The following SORBS2 variants were observed in gnomAD, a reference collection of about 807,000 sequenced individuals.
The protein encoded by SORBS2 is sorbin and SH3 domain-containing protein 2.
SORBS2 carries 46 observed loss-of-function variants against 97.7 expected under a neutral mutation model. The observed-to-expected ratio is 0.47, with a 90% CI of 0.37 to 0.60. The LOEUF is 0.60. Among genes scored for constraint, SORBS2 ranks in the 20% least tolerant of loss-of-function variants. The pLI, the probability that SORBS2 is intolerant of heterozygous loss-of-function variation, is 0.00. For synonymous variants in SORBS2, 476 were observed against 473.4 expected, an observed-to-expected ratio of 1.01 and a Z score of -0.07; for missense variants, 1,316 against 1,282.3, an observed-to-expected ratio of 1.03 and a Z score of -0.40.
chr4:185,776,899 CAA>C (rs34135817), intron 1 of SORBS2, among the ~76,000 whole-genome samples: 26,016 of 110,704 alleles, frequency 0.24, 2,426 homozygotes, highest in African/African-American at 0.27. Context: ...GACTCCATCT[CAA>C]AAAAAAAAAA....
rs149641547 is a variant in SORBS2, at chr4:185,842,458, C to T, written c.-337-67092G>A. Among the ~76,000 whole-genome samples, 739 of 152,244 alleles carry T rather than the reference C, an allele frequency of 4.9e-3. 4 individuals are homozygous for T. The highest frequency in any genetic ancestry group is 8.0e-3 in the Non-Finnish European group (541 of 68,014). On this transcript the variant is annotated intron_variant, in intron 1 of 20. Coordinates refer to the SORBS2 transcript ENST00000284776. ...CATGGTAAGGAGTTACCTACCTGAT[C>T]TCATGACCTTACTGTAAACCTACAG...
intron 1 of SORBS2, among the ~76,000 whole-genome samples, chr4:185,837,676 T>A (rs369247319): frequency 5.9e-5 from 9 of 152,290 alleles, no homozygotes; most frequent in African/African-American, 1.9e-4. Flanking sequence ...TTCATACAAA[T>A]GTAACTGTGA....
At chr4:185,734,617 C>A (rs1337873902) in intron 2 of SORBS2, among the ~76,000 whole-genome samples, 1 of 152,108 alleles carries the variant, frequency 6.6e-6, no homozygotes, top group Non-Finnish European at 1.5e-5. Context: ...TGTTAATATC[C>A]CTCGCATCTG....
At chr4:185,749,229 G>A (rs1438663430) in intron 2 of SORBS2, among the ~76,000 whole-genome samples, 1 of 152,166 alleles carries the variant, frequency 6.6e-6, no homozygotes, top group East Asian at 1.9e-4. Context: ...CAGCATGAAA[G>A]CAACTGGGGA....
intron 1 of SORBS2, among the ~76,000 whole-genome samples, chr4:185,788,795 T>G (rs149886449): frequency 6.6e-6 from 1 of 152,336 alleles, no homozygotes; most frequent in African/African-American, 2.4e-5. Context: ...TGGCCAAACG[T>G]GGGTTCTAAA....
chr4:185,589,978 T>C, intron 13 of SORBS2, 193 bp from the exon 26 acceptor site: 1 of 467,240 alleles, frequency 2.1e-6, no homozygotes, highest in Non-Finnish European at 3.8e-6. Flanking sequence ...CATAGCAATA[T>C]GTAGATCTTC....
chr4:185,773,060 A>AC (rs1017426583), intron 2 of SORBS2: 19 of 151,460 alleles, frequency 1.3e-4, no homozygotes, highest in African/African-American at 1.7e-4. Context: ...GAAAGAAAAA[A>AC]AAAACAAAAC....
chr4:185,614,861 T>C (rs950756437), exon 11 of SORBS2: 1 of 1,614,222 alleles, frequency 6.2e-7, no homozygotes, highest in Admixed American at 1.7e-5. Context: ...CATTTGTGTC[T>C]GCGTTGAAGT....
At chr4:185,895,851 CTTCA>C (rs538213599) in intron 1 of SORBS2, among the ~76,000 whole-genome samples, 11 of 152,152 alleles carry the variant, frequency 7.2e-5, no homozygotes, top group African/African-American at 2.7e-4. Flanking sequence ...TGGCCAATCC[CTTCA>C]TTGTTTTCTT....
At chr4:185,932,755 C>T (rs2099267107) in intron 1 of SORBS2, among the ~76,000 whole-genome samples, 1 of 152,190 alleles carries the variant, frequency 6.6e-6, no homozygotes, top group African/African-American at 2.4e-5. Context: ...GTTGCCCTGG[C>T]CACACCATGA....
At chr4:185,784,025 C>A (rs1304514181) in intron 1 of SORBS2, among the ~76,000 whole-genome samples, 1 of 152,188 alleles carries the variant, frequency 6.6e-6, no homozygotes, top group African/African-American at 2.4e-5. Flanking sequence ...AACTGACCTG[C>A]CTGGATTCCT....
intron 2 of SORBS2, among the ~76,000 whole-genome samples, chr4:185,761,128 C>T (rs2098886076): frequency 6.6e-6 from 1 of 152,192 alleles, no homozygotes; most frequent in East Asian, 1.9e-4. Context: ...TCACTTTTAA[C>T]TCCTTCCATG....
At chr4:185,874,881 C>T (rs2099232593) in intron 1 of SORBS2, among the ~76,000 whole-genome samples, 2 of 101,238 alleles carry the variant, frequency 2.0e-5, no homozygotes, top group South Asian at 3.5e-4. Context: ...TTGCATGCTA[C>T]AGTATATTGT....
intron 1 of SORBS2, among the ~76,000 whole-genome samples, chr4:185,899,305 T>C (rs895989860): frequency 6.6e-6 from 1 of 152,210 alleles, no homozygotes; most frequent in African/African-American, 2.4e-5. Flanking sequence ...TCTCGAAGAA[T>C]TGGTGACTGT....
At chr4:185,626,269 C>T (rs1431009224) in intron 6 of SORBS2, among the ~76,000 whole-genome samples, 2 of 152,212 alleles carry the variant, frequency 1.3e-5, no homozygotes, top group African/African-American at 4.8e-5. Context: ...TGTGAATTGA[C>T]CACTGTGTTA....
At chr4:185,938,391 C>CAT (rs200356287) in intron 1 of SORBS2, among the ~76,000 whole-genome samples, 842 of 70,732 alleles carry the variant, frequency 0.012, 4 homozygotes, top group African/African-American at 0.04. Flanking sequence ...TAGACACATA[C>CAT]ACACACACAC....
chr4:185,676,897 C>T lies in SORBS2; in HGVS notation c.-46+1526G>A, dbSNP rs186800345. The stretch of plus-strand genomic sequence containing the variant: ...TCTCCTTTCCCTTCCTGCTTGGAAA[C>T]TAAGAAAGCATTAGGTCATATAAGA... On this transcript the variant is annotated intron_variant, in intron 4 of 20. Transcript: ENST00000284776. The T allele has an allele frequency of 3.2e-6, 3 of 928,316 alleles. No homozygotes were observed. In the East Asian group the frequency reaches 7.9e-5, roughly 25 times the overall value. The allele number at this position is 928,316 out of a possible 1,614,324, so 57.5% of individuals were successfully genotyped here.
intron 1 of SORBS2, among the ~76,000 whole-genome samples, chr4:185,831,535 G>T (rs1408258363): frequency 2.0e-5 from 3 of 152,190 alleles, no homozygotes; most frequent in African/African-American, 7.2e-5. Context: ...ATAACAAATG[G>T]ATAGGGCCCT....
intron 1 of SORBS2, among the ~76,000 whole-genome samples, chr4:185,827,198 T>C (rs1464043906): frequency 1.8e-3 from 104 of 57,918 alleles, no homozygotes; most frequent in African/African-American, 5.4e-3. Flanking sequence ...ATCATCATCA[T>C]CATCACCATC....
Sources: allele counts gnomAD v4.1 joint callset (sites outside exome capture counted in the v4.1 genomes callset), GRCh38; gene constraint gnomAD v4.1.1; transcripts MANE v1.5; gene names NCBI Gene and HGNC (gene_info 2026-07-23, HGNC 2026-07-21).